The following GBE1 variants were observed in gnomAD, a reference collection of about 807,000 sequenced individuals.
GBE1 encodes the protein 1,4-alpha-glucan branching enzyme 1, also known as 1,4-alpha-glucan-branching enzyme.
In GBE1, 70 loss-of-function variants were observed where a neutral mutation model predicts 88.8. The ratio of observed to expected loss-of-function variants is 0.79; its 90% CI spans 0.65 to 0.96. GBE1 has a LOEUF of 0.96. Among genes scored for constraint, GBE1 ranks in the 40% least tolerant of loss-of-function variants. The pLI is 0.00. For synonymous variants in GBE1, 284 were observed against 300.1 expected, an observed-to-expected ratio of 0.95 and a Z score of 0.56; for missense variants, 872 against 871.0, an observed-to-expected ratio of 1.00 and a Z score of -0.01.
chr3:81,562,240 T>A (rs912653990), intron 12 of GBE1, among the ~76,000 whole-genome samples: 4 of 152,102 alleles, frequency 2.6e-5, no homozygotes, highest in African/African-American at 9.7e-5. Flanking sequence ...GTAACATTGG[T>A]TCATAATTTG....
At position 81,726,051 on chromosome 3, in the gene GBE1, CT is replaced by C. The variant is rs113893173; in HGVS notation, c.144-20439del. Among the ~76,000 whole-genome samples the C allele has an allele frequency of 8.0e-3, 1,161 of 145,002 alleles. 12 individuals carry two copies. The highest frequency in any genetic ancestry group is 0.011 in the Non-Finnish European group (743 of 65,492). On this transcript the variant is annotated intron_variant, in intron 1 of 15. Transcript: ENST00000429644. ...TTACTTAAACTGATAATCAATAGGC[CT>C]TTTTTTTTTTAGCTTTTTAGAGGAA...
intron 7 of GBE1, among the ~76,000 whole-genome samples, chr3:81,635,632 G>C (rs1203897017): frequency 4.6e-5 from 7 of 152,020 alleles, no homozygotes; most frequent in Non-Finnish European, 8.8e-5. Context: ...GATAAAAACA[G>C]AAAAATTGAT....
intron 7 of GBE1, chr3:81,613,166 T>G (rs1431686177): frequency 3.6e-6 from 1 of 276,042 alleles, no homozygotes; most frequent in Non-Finnish European, 6.7e-6. Context: ...TTTTTTTTAA[T>G]CTTGTCCTCA....
intron 9 of GBE1, among the ~76,000 whole-genome samples, chr3:81,586,812 G>C (rs1414286777): frequency 1.3e-5 from 2 of 149,944 alleles, no homozygotes; most frequent in African/African-American, 4.9e-5. Flanking sequence ...TTTTGACACA[G>C]AGTTTCACCC....
intron 1 of GBE1, among the ~76,000 whole-genome samples, chr3:81,708,044 C>T (rs1008050049): frequency 3.3e-5 from 5 of 151,866 alleles, no homozygotes; most frequent in African/African-American, 1.2e-4. Flanking sequence ...TTTCCTAAAA[C>T]TATAATTTTT....
intron 14 of GBE1, among the ~76,000 whole-genome samples, chr3:81,507,314 C>T (rs1702667704): frequency 6.6e-6 from 1 of 152,038 alleles, no homozygotes; most frequent in Non-Finnish European, 1.5e-5. Context: ...CCTGTAATTC[C>T]AGCACTTTGG....
chr3:81,619,139 T>G (rs1704289917), intron 7 of GBE1, among the ~76,000 whole-genome samples: 1 of 151,462 alleles, frequency 6.6e-6, no homozygotes, highest in African/African-American at 2.4e-5. Context: ...ATTTAGCATT[T>G]GTCTCTGCCC....
At chr3:81,515,470 G>A (rs1251940409) in intron 14 of GBE1, among the ~76,000 whole-genome samples, 1 of 151,296 alleles carries the variant, frequency 6.6e-6, no homozygotes, top group African/African-American at 2.4e-5. Flanking sequence ...CAACCTACTG[G>A]CCGTTCCCTT....
At chr3:81,612,548 G>T in intron 7 of GBE1, 1 of 808,280 alleles carries the variant, frequency 1.2e-6, no homozygotes, top group Non-Finnish European at 2.1e-6. Flanking sequence ...GAACACTGGT[G>T]GATGGTTGAG....
chr3:81,498,308 A>C (rs367770754), intron 15 of GBE1, among the ~76,000 whole-genome samples: 2 of 152,238 alleles, frequency 1.3e-5, no homozygotes, highest in East Asian at 3.9e-4. Flanking sequence ...ACTCCTATCT[A>C]AACCTTTGAA....
intron 3 of GBE1, among the ~76,000 whole-genome samples, chr3:81,659,923 C>T (rs1356891858): frequency 3.3e-5 from 5 of 152,060 alleles, no homozygotes; most frequent in Admixed American, 3.3e-4. Context: ...ATATTCTTTA[C>T]AAATTAAGGT....
intron 1 of GBE1, among the ~76,000 whole-genome samples, chr3:81,723,133 A>T (rs1457415266): frequency 1.3e-5 from 2 of 151,832 alleles, no homozygotes; most frequent in Non-Finnish European, 2.9e-5. Flanking sequence ...ATTTGCTCAT[A>T]GTGTCATATC....
At chr3:81,690,667 T>C (rs566751703) in intron 2 of GBE1, among the ~76,000 whole-genome samples, 5 of 152,336 alleles carry the variant, frequency 3.3e-5, no homozygotes, top group South Asian at 2.1e-4. Flanking sequence ...ATCGTCACCA[T>C]GAAACACAAA....
At chr3:81,604,193 T>G (rs1037935602) in intron 7 of GBE1, among the ~76,000 whole-genome samples, 2 of 152,112 alleles carry the variant, frequency 1.3e-5, no homozygotes, top group African/African-American at 4.8e-5. Context: ...TTTCTTTATA[T>G]TAGTTTCAAA....
At chr3:81,750,314 T>C (rs1706478888) in intron 1 of GBE1, among the ~76,000 whole-genome samples, 1 of 151,676 alleles carries the variant, frequency 6.6e-6, no homozygotes, top group African/African-American at 2.4e-5. Flanking sequence ...TAAAGCCTCA[T>C]AAGCTTGTGT....
intron 1 of GBE1, among the ~76,000 whole-genome samples, chr3:81,720,126 T>C (rs1376784020): frequency 6.6e-6 from 1 of 152,082 alleles, no homozygotes; most frequent in Non-Finnish European, 1.5e-5. Flanking sequence ...TGACAGTTCT[T>C]TGCCTTTACT....
At chr3:81,510,219 T>C (rs1702706695) in intron 14 of GBE1, among the ~76,000 whole-genome samples, 1 of 152,134 alleles carries the variant, frequency 6.6e-6, no homozygotes, top group South Asian at 2.1e-4. Context: ...TCTACCACTC[T>C]ACCACCATCT....
At chr3:81,700,994 G>A (rs1705679157) in intron 2 of GBE1, among the ~76,000 whole-genome samples, 1 of 152,090 alleles carries the variant, frequency 6.6e-6, no homozygotes, top group Non-Finnish European at 1.5e-5. Flanking sequence ...TCTAGATACT[G>A]GAAAGCAGCT....
At chr3:81,708,717 C>A (rs190170511) in intron 1 of GBE1, among the ~76,000 whole-genome samples, 3 of 152,044 alleles carry the variant, frequency 2.0e-5, no homozygotes, top group African/African-American at 7.2e-5. Context: ...AATATTTATT[C>A]TTTATGGCAC....
Sources: allele counts gnomAD v4.1 joint callset (sites outside exome capture counted in the v4.1 genomes callset), GRCh38; gene constraint gnomAD v4.1.1; transcripts MANE v1.5; gene names NCBI Gene and HGNC (gene_info 2026-07-23, HGNC 2026-07-21).